The following FZR1 variants were observed in gnomAD, a reference collection of about 807,000 sequenced individuals.
FZR1 encodes fizzy-related protein homolog.
FZR1 carries 11 observed loss-of-function variants against 63.6 expected under a neutral mutation model. The ratio of observed to expected loss-of-function variants is 0.17; its 90% CI spans 0.11 to 0.29. The LOEUF is 0.29. FZR1 is among the 10% of genes least tolerant of loss of function. The pLI, the probability that FZR1 is intolerant of heterozygous loss-of-function variation, is 1.00. For synonymous variants in FZR1, 328 were observed against 297.9 expected, an observed-to-expected ratio of 1.10 and a Z score of -1.04; for missense variants, 440 against 687.5, an observed-to-expected ratio of 0.64 and a Z score of 4.03.
In FZR1 at chr19:3,531,828, G is replaced by A. The variant is rs1014242574; in HGVS notation, c.823+12G>A. 22 of 1,549,484 alleles carry A rather than the reference G, an allele frequency of 1.4e-5. No individual in the cohort carries two copies. In the East Asian group the frequency reaches 1.7e-4, roughly 12 times the overall value. Reference sequence around the variant, plus strand: ...CACGGCACGCGTCGGTGAGGAGCCCGGGTCCCATGGCTGGTGAGCTCCCTG... The same window carrying A: ...CACGGCACGCGTCGGTGAGGAGCCCAGGTCCCATGGCTGGTGAGCTCCCTG... On this transcript the variant is annotated intron_variant, in intron 9 of 13. Transcript: ENST00000441788.
chr19:3,530,748 G>A (rs779735210), intron 7 of FZR1, 44 bp from the exon 8 acceptor site: 12 of 1,504,588 alleles, frequency 8.0e-6, no homozygotes, highest in Admixed American at 3.4e-5. Context: ...ATAGACTGGG[G>A]CTTCGAGACC....
At chr19:3,527,139 C>G (rs1196800262) in intron 6 of FZR1, 77 bp downstream of exon 6, 2 of 1,177,056 alleles carry the variant, frequency 1.7e-6, no homozygotes, top group African/African-American at 3.0e-5. Context: ...CCAGCTTCCT[C>G]CGCAGCCCTG....
chr19:3,531,930 T>A lies in FZR1; in HGVS notation c.843T>A (p.Ala281=), dbSNP rs768618830. The A allele has an allele frequency of 1.9e-5, 31 of 1,595,682 alleles. No individual in the cohort carries two copies. In the South Asian group the frequency reaches 3.5e-4, roughly 18 times the overall value. Residue 281 remains alanine, a synonymous_variant, in exon 10 of 14, where the codon GCT becomes GCA. Transcript: ENST00000441788. The part of the protein sequence containing the change: ...TARVGALAWN[A]EQLSSGSRDR... Reference sequence around the variant, plus strand: ...CTCCAGGGGCGCTGGCCTGGAATGCTGAGCAGCTGTCGTCCGGGAGCCGCG... The same window carrying A: ...CTCCAGGGGCGCTGGCCTGGAATGCAGAGCAGCTGTCGTCCGGGAGCCGCG...
At chr19:3,523,438 A>T (rs12977788) in intron 2 of FZR1, among the ~76,000 whole-genome samples, 38,022 of 151,472 alleles carry the variant, frequency 0.25, 6,844 homozygotes, top group East Asian at 0.82. Context: ...CTTGCGCTCC[A>T]CCCTGCCTCC....
rs1354644566 is a variant in FZR1, at chr19:3,537,212, TGA to T, written c.*2380_*2381del. 5.3e-5 allele frequency: 8 copies of T among 152,286 alleles called. No individual in the cohort carries two copies. The highest frequency in any genetic ancestry group is 1.2e-4 in the Non-Finnish European group (8 of 68,126). The allele number at this position is 152,286 out of a possible 1,614,324, so 9.4% of individuals were successfully genotyped here. On this transcript the variant is annotated 3_prime_UTR_variant, in exon 14 of 14. Transcript: ENST00000441788. ...TTGGTTCCCCATGGCCCAGGACAGC[TGA>T]GAGGAGGTGGAGGGGCCCCAGGGGA...
chr19:3,529,155 TGGGA>T (rs879408094), intron 7 of FZR1, among the ~76,000 whole-genome samples: 30,617 of 96,350 alleles, frequency 0.32, 5,890 homozygotes, highest in East Asian at 0.75. Flanking sequence ...GGAGAGCGGA[TGGGA>T]GAGCGGTTGG....
Position 3,526,414 on chromosome 19 carries a change from AGCTGGCTCCCAGT to A in FZR1, c.387+31_387+43del, listed in dbSNP as rs2083158712. ...AAGCCTGCGGCACCCCCCACCCGGG[AGCTGGCTCCCAGT>A]GCAGCCTCCCCGGCCCCCCACCTCC... On this transcript the variant is annotated intron_variant, in intron 5 of 13. Transcript: ENST00000441788. The surrounding 1 kb of genome is among the most constrained non-coding windows in gnomAD (Gnocchi z 5.4). The A allele has an allele frequency of 6.5e-7, 1 of 1,541,338 alleles. No individual in the cohort carries two copies. The highest frequency in any genetic ancestry group is 2.4e-5 in the East Asian group (1 of 41,294).
intron 1 of FZR1, among the ~76,000 whole-genome samples, chr19:3,520,853 C>T (rs2083095022): frequency 1.3e-5 from 2 of 152,230 alleles, no homozygotes; most frequent in African/African-American, 4.8e-5. Flanking sequence ...ATGGGTCTGT[C>T]CCTACCTGGT....
In FZR1 at chr19:3,526,345, A is replaced by T; in HGVS notation, c.346A>T (p.Arg116Trp). 1.9e-6 allele frequency: 3 copies of T among 1,600,572 alleles called. No individual in the cohort carries two copies. Among genetic ancestry groups the T allele is most frequent in the Non-Finnish European group, 2.6e-6 (3 of 1,174,512 alleles). Reference protein sequence around the residue: ...KVQDPQTEDRRLQPSTPEKKG... With the variant: ...KVQDPQTEDRWLQPSTPEKKG... ...GCAGGACCCGCAGACTGAGGACCGC[A>T]GGCTGCAGCCCTCCACGCCTGAGAA... is the stretch of plus-strand genomic sequence containing the variant. Residue 116 changes from arginine to tryptophan, a missense_variant, in exon 5 of 14, where the codon AGG becomes TGG. Transcript: ENST00000441788. The surrounding 1 kb of genome is among the most constrained non-coding windows in gnomAD (Gnocchi z 5.4).
Position 3,526,351 on chromosome 19 carries a change from C to T in FZR1, c.352C>T (p.Gln118Ter). 1 of 1,598,528 alleles carries T rather than the reference C, an allele frequency of 6.3e-7. No individual in the cohort carries two copies. Among genetic ancestry groups the T allele is most frequent in the South Asian group, 1.1e-5 (1 of 89,278 alleles). ...CCCGCAGACTGAGGACCGCAGGCTGCAGCCCTCCACGCCTGAGAAGAAGGG... is the reference window on the plus strand; with the variant it reads ...CCCGCAGACTGAGGACCGCAGGCTGTAGCCCTCCACGCCTGAGAAGAAGGG... ...QDPQTEDRRL[Q>*]PSTPEKKGLF... The change falls in exon 5 of 14, where the codon CAG becomes TAG. Residue 118 changes from glutamine to a stop codon, truncating the protein, a stop_gained. Coordinates refer to ENST00000441788, the MANE Select transcript of FZR1 (RefSeq NM_016263.4). LOFTEE classifies it high-confidence loss of function. The surrounding 1 kb of genome is among the most constrained non-coding windows in gnomAD (Gnocchi z 5.4).
At chr19:3,523,754 C>T (rs915975793) in intron 2 of FZR1, among the ~76,000 whole-genome samples, 2 of 152,262 alleles carry the variant, frequency 1.3e-5, no homozygotes, top group Non-Finnish European at 2.9e-5. Flanking sequence ...CCTGCATAGA[C>T]GGGTCTGAGG....
At position 3,527,793 on chromosome 19, in the gene FZR1, G is replaced by A; in HGVS notation, c.633G>A (p.Leu211=). 1 of 1,611,980 alleles carries A rather than the reference G, an allele frequency of 6.2e-7. No individual in the cohort carries two copies. Among genetic ancestry groups the A allele is most frequent in the Non-Finnish European group, 8.5e-7 (1 of 1,179,162 alleles). ...LSVGLGTCVY[L]WSACTSQVTR... ...TGGGGCTAGGCACCTGCGTGTACCTGTGGAGTGCCTGTACCAGCCAGGTGG... is the reference window on the plus strand; with the variant it reads ...TGGGGCTAGGCACCTGCGTGTACCTATGGAGTGCCTGTACCAGCCAGGTGG... The change falls in exon 7 of 14, where the codon CTG becomes CTA. Residue 211 remains leucine, a synonymous_variant. Transcript: ENST00000441788.
In FZR1 at chr19:3,525,632, C is replaced by T. The variant is rs1372916309; in HGVS notation, c.70-236C>T. On this transcript the variant is annotated intron_variant, in intron 2 of 13. Transcript: ENST00000441788. The surrounding 1 kb of genome is among the most constrained non-coding windows in gnomAD (Gnocchi z 4.2). Reference sequence around the variant, plus strand: ...TGATTTTTTGTATTTTTAGTAGAGACGAGGTTTCACAGTGTTAGCCAGGAT... The same window carrying T: ...TGATTTTTTGTATTTTTAGTAGAGATGAGGTTTCACAGTGTTAGCCAGGAT... 2.0e-5 allele frequency among the ~76,000 whole-genome samples: 3 copies of T among 151,828 alleles called. No homozygotes were observed. The highest frequency in any genetic ancestry group is 2.9e-5 in the Non-Finnish European group (2 of 67,942).
rs1439556539 is a variant in FZR1, at chr19:3,516,617, A to G, written c.-34-6339A>G. ...TGCCCCGGGAGGCCCCAGGCCCGGG[A>G]TACAGGACCCTCCAGATCTCGGAGG... is the stretch of plus-strand genomic sequence containing the variant. On this transcript the variant is annotated intron_variant, in intron 1 of 13. Coordinates refer to ENST00000441788, the MANE Select transcript of FZR1 (RefSeq NM_016263.4). This position sits in a 1 kb window ranked among gnomAD's most constrained non-coding sequence, Gnocchi z 6.0. Among the ~76,000 whole-genome samples the G allele has an allele frequency of 6.6e-6, 1 of 151,930 alleles. No homozygotes were observed. The highest frequency in any genetic ancestry group is 1.5e-5 in the Non-Finnish European group (1 of 67,984).
chr19:3,534,251 T>A (rs945703332), intron 12 of FZR1, 170 bp from the exon 13 acceptor site: 125 of 356,578 alleles, frequency 3.5e-4, no homozygotes, highest in Middle Eastern at 1.5e-3. Flanking sequence ...AAAAAAAGGC[T>A]CCAACCTTGG....
intron 13 of FZR1, 123 bp downstream of exon 13, chr19:3,534,636 T>G: frequency 2.2e-6 from 2 of 904,954 alleles, no homozygotes; most frequent in Non-Finnish European, 3.6e-6. Flanking sequence ...TTCCCTCACC[T>G]CAAATTCTGG....
chr19:3,527,189 C>T, intron 6 of FZR1, 127 bp downstream of exon 6: 1 of 783,402 alleles, frequency 1.3e-6, no homozygotes, highest in Non-Finnish European at 2.2e-6. Context: ...AGGGGGCTTC[C>T]CAGGGCATAG....
In FZR1 at chr19:3,531,478, C is replaced by T. The variant is rs112456190; in HGVS notation, c.721-236C>T. Reference sequence around the variant, plus strand: ...TGTCCATGTGGGAAGGTCCACGTACCGAGTCTTGGCTGGACTCTGAGAAAC... The same window carrying T: ...TGTCCATGTGGGAAGGTCCACGTACTGAGTCTTGGCTGGACTCTGAGAAAC... On this transcript the variant is annotated intron_variant, in intron 8 of 13. Transcript: ENST00000441788. Among the ~76,000 whole-genome samples, 315 of 152,356 alleles carry T rather than the reference C, an allele frequency of 2.1e-3. 1 individual carries two copies. Among genetic ancestry groups the T allele is most frequent in the African/African-American group, 7.2e-3 (300 of 41,576 alleles).
chr19:3,507,448 A>G (rs2082992896), intron 1 of FZR1, among the ~76,000 whole-genome samples: 1 of 150,944 alleles, frequency 6.6e-6, no homozygotes, highest in Admixed American at 6.6e-5. Context: ...GCAGATGTTC[A>G]GCCTAAATCT....
Sources: gnomAD v4.1 joint callset for allele counts (sites outside exome capture counted in the v4.1 genomes callset) on GRCh38, gnomAD v4.1.1 for gene constraint, Gnocchi (gnomAD v3.1) non-coding constraint, MANE v1.5 for transcripts, NCBI Gene and HGNC (gene_info 2026-07-23, HGNC 2026-07-21) for gene names.